The following BLMH variants were observed in gnomAD, a reference collection of about 807,000 sequenced individuals.
BLMH encodes BLM hydrolase.
A neutral mutation model predicts 61.6 loss-of-function variants in BLMH; 32 were observed. The ratio of observed to expected loss-of-function variants is 0.52; its 90% CI spans 0.39 to 0.70. BLMH has a LOEUF of 0.70. BLMH is among the 30% of genes least tolerant of loss of function. BLMH has a pLI of 0.00. For missense variants in BLMH, 460 were observed against 555.5 expected, an observed-to-expected ratio of 0.83 and a Z score of 1.73; for synonymous variants, 183 against 193.8, an observed-to-expected ratio of 0.94 and a Z score of 0.46.
At chr17:30,291,608 G>T in intron 1 of BLMH, 100 bp from the exon 2 acceptor site, 8 of 1,486,056 alleles carry the variant, frequency 5.4e-6, no homozygotes, top group Non-Finnish European at 6.4e-6. Context: ...GCATCCTGGG[G>T]TGCCCGCTGC....
rs1413400794 is a variant in BLMH at position 30,271,408 on chromosome 17, A to C, written c.1029-20T>G. 1.3e-6 allele frequency: 2 copies of C among 1,592,640 alleles called. No individual in the cohort carries two copies. The highest frequency in any genetic ancestry group is 4.5e-5 in the East Asian group (2 of 44,762). On this transcript the variant is annotated intron_variant, in intron 9 of 11. Transcript: ENST00000261714. ...TCATAGCTGTAAAAAGAATGATAGT[A>C]CAAAATAAAGGGAGTACGATCATGG...
At chr17:30,283,012 T>A (rs190333935) in intron 6 of BLMH, among the ~76,000 whole-genome samples, 38 of 152,224 alleles carry the variant, frequency 2.5e-4, no homozygotes, top group African/African-American at 8.9e-4. Flanking sequence ...ACAATTTTTT[T>A]AATAAATGAG....
chr17:30,282,968 C>T (rs1908631954), intron 6 of BLMH, among the ~76,000 whole-genome samples: 1 of 152,124 alleles, frequency 6.6e-6, no homozygotes, highest in African/African-American at 2.4e-5. Context: ...TGGTGGAGAT[C>T]GGCCTGGGAA....
chr17:30,287,903 G>C lies in BLMH; in HGVS notation c.366C>G (p.Ala122=). ...TCCCATCCTCAGGCTCCTTTCTCTG[G>C]GCTGTGTCCACAAAAGCACTCAAGA... ...YFFLSAFVDT[A]QRKEPEDGRL... The change falls in exon 4 of 12, where the codon GCC becomes GCG. Residue 122 remains alanine (A), a synonymous_variant. Coordinates refer to ENST00000261714, the MANE Select transcript of BLMH (RefSeq NM_000386.4). The C allele has an allele frequency of 6.2e-7, 1 of 1,613,862 alleles. No homozygotes were observed. The highest frequency in any genetic ancestry group is 8.5e-7 in the Non-Finnish European group (1 of 1,179,912).
chr17:30,262,924 A>G (rs1339357470), intron 11 of BLMH, among the ~76,000 whole-genome samples: 3 of 152,242 alleles, frequency 2.0e-5, no homozygotes, highest in African/African-American at 7.2e-5. Context: ...ATGTGCTAAC[A>G]TGTGACAAAC....
chr17:30,287,160 G>T (rs943633435), intron 4 of BLMH, among the ~76,000 whole-genome samples: 10 of 151,922 alleles, frequency 6.6e-5, no homozygotes. Flanking sequence ...CCTGAGTAGC[G>T]GCAACTATGG....
Position 30,286,824 on chromosome 17 carries a change from A to C in BLMH, c.542T>G (p.Leu181Arg), listed in dbSNP as rs767946341. 1 of 1,585,178 alleles carries C rather than the reference A, an allele frequency of 6.3e-7. No individual in the cohort carries two copies. Among genetic ancestry groups the C allele is most frequent in the Non-Finnish European group, 8.7e-7 (1 of 1,153,978 alleles). ...TEATRRMNDI[L>R]NHKMREFCIR... ...CTTCATATATTGTACCTTGTGATTC[A>C]GAATATCATTCATCCTTCTGGTTGC... Residue 181 changes from leucine to arginine, a missense_variant, in exon 5 of 12, where the codon CTG becomes CGG. Around this residue, in one of 5 missense-constraint regions of BLMH, gnomAD observed 310 missense variants for 371.1 expected, o/e 0.84. Coordinates refer to ENST00000261714, the MANE Select transcript of BLMH (RefSeq NM_000386.4).
chr17:30,283,094 G>C lies in BLMH; in HGVS notation c.645+2294C>G, dbSNP rs1242641465. Among the ~76,000 whole-genome samples the C allele has an allele frequency of 2.0e-5, 3 of 152,152 alleles. No individual in the cohort carries two copies. In the East Asian group the frequency reaches 5.8e-4, roughly 29 times the overall value. ...GAAGCAGCATTTGAGCCCAGGAGTT[G>C]AAAGTTACAGTAAGCTATGACTGCG... On this transcript the variant is annotated intron_variant, in intron 6 of 11. Coordinates refer to ENST00000261714, the MANE Select transcript of BLMH (RefSeq NM_000386.4).
intron 11 of BLMH, among the ~76,000 whole-genome samples, chr17:30,266,493 C>A (rs1182073631): frequency 6.8e-6 from 1 of 147,482 alleles, no homozygotes; most frequent in Non-Finnish European, 1.5e-5. Flanking sequence ...TCACTGCACT[C>A]CAGCCTGGGC....
At chr17:30,258,639 C>T (rs1045794804) in intron 11 of BLMH, among the ~76,000 whole-genome samples, 2 of 152,144 alleles carry the variant, frequency 1.3e-5, no homozygotes, top group Non-Finnish European at 2.9e-5. Flanking sequence ...GTTCACCTCC[C>T]GGCTGACTTC....
At chr17:30,255,070 GA>G (rs573577778) in intron 11 of BLMH, among the ~76,000 whole-genome samples, 8 of 152,234 alleles carry the variant, frequency 5.3e-5, no homozygotes, top group Non-Finnish European at 1.2e-4. Context: ...TTCATGCTTA[GA>G]AACAATACTG....
chr17:30,262,627 T>A (rs1907988658), intron 11 of BLMH, among the ~76,000 whole-genome samples: 1 of 152,102 alleles, frequency 6.6e-6, no homozygotes, highest in Non-Finnish European at 1.5e-5. Context: ...ACTCTGTCTC[T>A]ACTAAAAAAT....
At chr17:30,261,466 T>C (rs181567844) in intron 11 of BLMH, among the ~76,000 whole-genome samples, 20 of 152,312 alleles carry the variant, frequency 1.3e-4, no homozygotes, top group Non-Finnish European at 4.4e-5. Context: ...TGTTCATAAC[T>C]CCTTAGATTT....
rs368832391 is a variant in BLMH, at chr17:30,272,731, C to T, written c.960+10G>A. 12 of 1,613,990 alleles carry T rather than the reference C, an allele frequency of 7.4e-6. No individual in the cohort carries two copies. The African/African-American group carries it at 1.2e-4, about 16-fold the overall frequency. ...AACCCCAATGTGCAAAATACAGAAA[C>T]AATACCAACCTCTCCATCTTTGATG... On this transcript the variant is annotated intron_variant, in intron 8 of 11. Transcript: ENST00000261714.
Position 30,248,784 on chromosome 17 carries a change from G to A in BLMH, c.*233C>T. 2.0e-6 allele frequency: 1 copy of A among 494,488 alleles called. No homozygotes were observed. The highest frequency in any genetic ancestry group is 3.6e-6 in the Non-Finnish European group (1 of 279,772). The allele number at this position is 494,488 out of a possible 1,614,324, so 30.6% of individuals were successfully genotyped here. The stretch of plus-strand genomic sequence containing the variant: ...TGCTAAGAGATCCTGAGCTGTTAGA[G>A]ATGAGGAGAGTAGATAGTATGACCT... On this transcript the variant is annotated 3_prime_UTR_variant, in exon 12 of 12. Transcript: ENST00000261714.
intron 6 of BLMH, among the ~76,000 whole-genome samples, chr17:30,281,066 GT>G (rs537927465): frequency 8.2e-4 from 107 of 130,652 alleles, no homozygotes; most frequent in African/African-American, 1.7e-3. Context: ...AAAGATCTGT[GT>G]TTTTTTTTTT....
In BLMH at chr17:30,258,786, A is replaced by C. The variant is rs147131513; in HGVS notation, c.1216+8099T>G. ...GGTCTTGTTTTCCCACTGAAACTCA[A>C]TGACTTTTCTCTCACCCCAAACTAT... is the stretch of plus-strand genomic sequence containing the variant. On this transcript the variant is annotated intron_variant, in intron 11 of 11. Transcript: ENST00000261714. 3.6e-4 allele frequency among the ~76,000 whole-genome samples: 55 copies of C among 152,288 alleles called. 1 individual carries two copies. The highest frequency in any genetic ancestry group is 1.2e-3 in the African/African-American group (51 of 41,560).
intron 11 of BLMH, among the ~76,000 whole-genome samples, chr17:30,258,091 C>G (rs562872235): frequency 6.6e-6 from 1 of 152,186 alleles, no homozygotes; most frequent in East Asian, 1.9e-4. Flanking sequence ...CCTCAGCCCC[C>G]TGGGTAGCTA....
chr17:30,277,079 T>G (rs901845769), intron 6 of BLMH, among the ~76,000 whole-genome samples: 2 of 152,220 alleles, frequency 1.3e-5, no homozygotes, highest in Admixed American at 1.3e-4. Context: ...GCAAGTTAAC[T>G]TAGAGAAGAA....
Sources: allele counts gnomAD v4.1 joint callset (sites outside exome capture counted in the v4.1 genomes callset), GRCh38; gene constraint gnomAD v4.1.1; regional missense constraint gnomAD v4.1.1; transcripts MANE v1.5; gene names NCBI Gene and HGNC (gene_info 2026-07-23, HGNC 2026-07-21).